The following PITPNA variants were observed in gnomAD, a reference collection of about 807,000 sequenced individuals.
The protein encoded by PITPNA is phosphatidylinositol transfer protein alpha isoform.
PITPNA carries 13 observed loss-of-function variants against 50.3 expected under a neutral mutation model. The ratio of observed to expected loss-of-function variants is 0.26; its 90% CI spans 0.17 to 0.41. PITPNA has a LOEUF of 0.41. Among genes scored for constraint, PITPNA ranks in the 10% least tolerant of loss-of-function variants. PITPNA has a pLI of 1.00. For synonymous variants in PITPNA, 120 were observed against 119.6 expected (o/e 1.00, Z -0.02); for missense variants, 207 against 333.4 (o/e 0.62, Z 2.95).
In PITPNA at chr17:1,562,534, C is replaced by T; in HGVS notation, c.20+7G>A. 1 of 1,436,876 alleles carries T rather than the reference C, an allele frequency of 7.0e-7. No individual in the cohort carries two copies. The highest frequency in any genetic ancestry group is 1.4e-5 in the South Asian group (1 of 71,322). The allele number at this position is 1,436,876 out of a possible 1,614,324, so 89.0% of individuals were successfully genotyped here. On this transcript the variant is annotated splice_region_variant and intron_variant, in intron 1 of 11. Coordinates refer to ENST00000313486, the MANE Select transcript of PITPNA (RefSeq NM_006224.4). This position sits in a 1 kb window ranked among gnomAD's most constrained non-coding sequence, Gnocchi z 6.4. The stretch of plus-strand genomic sequence containing the variant: ...TCCCCGCTTCCGCACGGCCGCCGGA[C>T]ACTCACTACTCCTTGAGCAGCACCA...
intron 10 of PITPNA, among the ~76,000 whole-genome samples, chr17:1,531,909 TTGC>T (rs139411656): frequency 0.094 from 14,248 of 152,200 alleles, 824 homozygotes; most frequent in East Asian, 0.14. Flanking sequence ...TCCTGCACAG[TTGC>T]TGAAGAGACC....
At chr17:1,558,368 C>A (rs2075749382) in intron 2 of PITPNA, among the ~76,000 whole-genome samples, 161 bp downstream of exon 2, 1 of 152,124 alleles carries the variant, frequency 6.6e-6, no homozygotes, top group African/African-American at 2.4e-5. Context: ...AAAGTAAGTG[C>A]CATTTTTCAA....
intron 3 of PITPNA, among the ~76,000 whole-genome samples, chr17:1,549,031 T>C (rs573132037): frequency 1.3e-5 from 2 of 151,932 alleles, no homozygotes; most frequent in South Asian, 2.1e-4. Flanking sequence ...CCTCAGCCTC[T>C]TGAGTAGCTG....
At chr17:1,548,681 G>C (rs1051474129) in intron 3 of PITPNA, among the ~76,000 whole-genome samples, 4 of 152,090 alleles carry the variant, frequency 2.6e-5, no homozygotes, top group African/African-American at 9.7e-5. Context: ...TTTTTCCAGA[G>C]CTTGCTGGGC....
intron 6 of PITPNA, among the ~76,000 whole-genome samples, chr17:1,540,036 C>G (rs1317576187): frequency 6.6e-6 from 1 of 152,230 alleles, no homozygotes; most frequent in Non-Finnish European, 1.5e-5. Context: ...TGACTGAGAA[C>G]GAATGCTCTG....
At chr17:1,532,933 A>G (rs879734161) in intron 10 of PITPNA, among the ~76,000 whole-genome samples, 4 of 152,226 alleles carry the variant, frequency 2.6e-5, no homozygotes, top group Admixed American at 1.3e-4. Flanking sequence ...TGGATGGTAA[A>G]AACAGTTCCC....
intron 7 of PITPNA, among the ~76,000 whole-genome samples, chr17:1,536,034 T>G (rs1232428324): frequency 2.0e-5 from 3 of 152,224 alleles, no homozygotes; most frequent in Non-Finnish European, 4.4e-5. Flanking sequence ...TGGCTTGTTT[T>G]AACAAAATCA....
At chr17:1,522,314 A>G (rs924679113) in intron 10 of PITPNA, among the ~76,000 whole-genome samples, 5 of 138,412 alleles carry the variant, frequency 3.6e-5, no homozygotes, top group Non-Finnish European at 3.1e-5. Flanking sequence ...CTCATGATCC[A>G]CCCGCCTCGG....
In PITPNA at chr17:1,549,823, C is replaced by T. The variant is rs1016431136; in HGVS notation, c.198-1436G>A. ...CTAAGTAGCTGGGACTACAGGCATG[C>T]GCCACCACGCCCAGCTAATTTTTGT... is the stretch of plus-strand genomic sequence containing the variant. On this transcript the variant is annotated intron_variant, in intron 3 of 11. Coordinates refer to ENST00000313486, the MANE Select transcript of PITPNA (RefSeq NM_006224.4). Among the ~76,000 whole-genome samples, 29 of 145,242 alleles carry T rather than the reference C, an allele frequency of 2.0e-4. 3 individuals carry two copies. Among genetic ancestry groups the T allele is most frequent in the African/African-American group, 7.0e-4 (27 of 38,608 alleles).
chr17:1,541,637 C>T lies in PITPNA; in HGVS notation c.301G>A (p.Glu101Lys). The change falls in exon 6 of 12, where the codon GAG (glutamate) becomes AAG (lysine). Residue 101 changes from glutamate (E) to lysine (K), a missense_variant. Physicochemically the swap from Glu to Lys is moderately conservative, Grantham distance 56 (BLOSUM62 1). Transcript: ENST00000313486. ...YPYCRTVITN[E>K]YMKEDFLIKI... ...ATCAGAAAGTCTTCTTTCATGTACT[C>T]ATTCTGGAAGAAGGAAAAAAAATAC... The T allele has an allele frequency of 6.2e-7, 1 of 1,605,904 alleles. No individual in the cohort carries two copies. The highest frequency in any genetic ancestry group is 8.5e-7 in the Non-Finnish European group (1 of 1,172,638).
chr17:1,525,444 A>G (rs1022088523), intron 10 of PITPNA, among the ~76,000 whole-genome samples: 6 of 151,648 alleles, frequency 4.0e-5, no homozygotes, highest in Admixed American at 6.6e-5. Context: ...GTCACTGAAA[A>G]TTTAATACTG....
chr17:1,527,461 C>CA (rs2075554274), intron 10 of PITPNA, among the ~76,000 whole-genome samples: 2 of 152,050 alleles, frequency 1.3e-5, no homozygotes, highest in African/African-American at 4.8e-5. Flanking sequence ...CAGGCTGTCT[C>CA]AAACTCCCAA....
In PITPNA at chr17:1,562,312, C is replaced by T. The variant is rs1265170714; in HGVS notation, c.20+229G>A. 6.7e-6 allele frequency among the ~76,000 whole-genome samples: 1 copy of T among 149,464 alleles called. No homozygotes were observed. The highest frequency in any genetic ancestry group is 2.5e-5 in the African/African-American group (1 of 40,490). On this transcript the variant is annotated intron_variant, in intron 1 of 11. Transcript: ENST00000313486. The surrounding 1 kb of genome is among the most constrained non-coding windows in gnomAD (Gnocchi z 6.4). The stretch of plus-strand genomic sequence containing the variant: ...GCCGAACGCCCCGGCTGCCCCTCCA[C>T]GCCCCGGCCGCCCCTCCACGCCCCG...
At chr17:1,555,794 C>T (rs1055387847) in intron 2 of PITPNA, among the ~76,000 whole-genome samples, 5 of 152,166 alleles carry the variant, frequency 3.3e-5, no homozygotes, top group Admixed American at 6.5e-5. Context: ...GCAGCCCGGC[C>T]GACCTGTGCC....
In PITPNA at chr17:1,521,564, A is replaced by C; in HGVS notation, c.*22+15T>G. 6.3e-7 allele frequency: 1 copy of C among 1,582,148 alleles called. No individual in the cohort carries two copies. The highest frequency in any genetic ancestry group is 1.3e-5 in the African/African-American group (1 of 74,342). ...TAGCGTCTGTGACACGCACAGTGAG[A>C]AATTTGGTACGTACAGTGCAGAGGG... On this transcript the variant is annotated intron_variant, in intron 11 of 11. Transcript: ENST00000313486.
At chr17:1,551,353 G>A (rs368361600) in intron 3 of PITPNA, among the ~76,000 whole-genome samples, 2 of 151,136 alleles carry the variant, frequency 1.3e-5, no homozygotes, top group East Asian at 3.9e-4. Context: ...GTGCAGTGGC[G>A]TGACCATGGC....
chr17:1,540,101 G>A (rs183128048), intron 6 of PITPNA, among the ~76,000 whole-genome samples: 113 of 152,276 alleles, frequency 7.4e-4, no homozygotes, highest in Non-Finnish European at 1.2e-3. Flanking sequence ...GGATGTTTAC[G>A]GTGCCCACAC....
chr17:1,524,325 T>C (rs1358784374), intron 10 of PITPNA, among the ~76,000 whole-genome samples: 2 of 148,288 alleles, frequency 1.3e-5, no homozygotes, highest in African/African-American at 5.0e-5. Flanking sequence ...ATTACAGGCG[T>C]GAGCCATCGC....
intron 10 of PITPNA, among the ~76,000 whole-genome samples, chr17:1,528,833 G>A (rs912844905): frequency 3.3e-5 from 5 of 151,992 alleles, no homozygotes; most frequent in African/African-American, 4.8e-5. Flanking sequence ...CAGCAGGTTG[G>A]AGGGAATTAA....
Sources: gnomAD v4.1 joint callset for allele counts (sites outside exome capture counted in the v4.1 genomes callset) on GRCh38, gnomAD v4.1.1 for gene constraint, Gnocchi (gnomAD v3.1) non-coding constraint, MANE v1.5 for transcripts, NCBI Gene and HGNC (gene_info 2026-07-23, HGNC 2026-07-21) for gene names.